GSG1L: variants seen among roughly 807,000 people sequenced by gnomAD.
The protein encoded by GSG1L is GSG1 like.
Under a neutral mutation model 42.1 loss-of-function variants are expected in GSG1L, and 24 were observed. That is an observed-to-expected ratio of 0.57 (90% CI 0.41 to 0.80). The LOEUF (loss-of-function observed/expected upper bound fraction) is 0.80, where lower values mean the gene tolerates loss of function less well. Among genes scored for constraint, GSG1L ranks in the 30% least tolerant of loss-of-function variants. GSG1L has a pLI of 0.00. For missense variants in GSG1L, 445 were observed against 472.2 expected, an observed-to-expected ratio of 0.94 and a Z score of 0.53; for synonymous variants, 215 against 203.5, an observed-to-expected ratio of 1.06 and a Z score of -0.48.
intron 2 of GSG1L, among the ~76,000 whole-genome samples, chr16:27,947,471 GAGAA>G (rs1407173731): frequency 2.1e-5 from 3 of 144,742 alleles, no homozygotes; most frequent in South Asian, 4.4e-4. Context: ...GGAGGGAGAA[GAGAA>G]AGAAAGGAAG....
At chr16:27,864,853 C>T (rs943332606) in intron 3 of GSG1L, among the ~76,000 whole-genome samples, 2 of 152,174 alleles carry the variant, frequency 1.3e-5, no homozygotes, top group African/African-American at 4.8e-5. Context: ...CAGGAAGGAG[C>T]CCAGCCCATG....
intron 2 of GSG1L, among the ~76,000 whole-genome samples, chr16:27,926,977 G>A (rs1596619183): frequency 6.6e-6 from 1 of 151,960 alleles, no homozygotes. Context: ...AGAGTTTGAC[G>A]CCAGAAGCCA....
intron 2 of GSG1L, among the ~76,000 whole-genome samples, chr16:27,890,718 G>T (rs1180703771): frequency 6.6e-6 from 1 of 152,198 alleles, no homozygotes; most frequent in Non-Finnish European, 1.5e-5. Context: ...GAGCCTACAT[G>T]AGCCGTGGAA....
chr16:27,798,164 C>T (rs1248146833), intron 6 of GSG1L, among the ~76,000 whole-genome samples: 1 of 152,116 alleles, frequency 6.6e-6, no homozygotes, highest in Non-Finnish European at 1.5e-5. Context: ...CACCTGTACC[C>T]CCTGAACCTA....
intron 2 of GSG1L, among the ~76,000 whole-genome samples, chr16:27,926,579 C>G (rs1488952565): frequency 6.6e-6 from 1 of 152,074 alleles, no homozygotes; most frequent in Non-Finnish European, 1.5e-5. Context: ...GATCCCACTA[C>G]TCTGGGGGCT....
intron 1 of GSG1L, among the ~76,000 whole-genome samples, chr16:27,984,876 G>A (rs2085363374): frequency 6.6e-6 from 1 of 152,036 alleles, no homozygotes; most frequent in Non-Finnish European, 1.5e-5. Flanking sequence ...TACTGCTTCA[G>A]CCTCTGGAGT....
intron 2 of GSG1L, among the ~76,000 whole-genome samples, chr16:27,886,007 A>G (rs1187636665): frequency 6.6e-6 from 1 of 152,140 alleles, no homozygotes; most frequent in Admixed American, 6.5e-5. Flanking sequence ...GTCTACATGG[A>G]TGCTTTGCAG....
chr16:28,001,250 C>T (rs1421729418), intron 1 of GSG1L, among the ~76,000 whole-genome samples: 1 of 152,142 alleles, frequency 6.6e-6, no homozygotes, highest in Non-Finnish European at 1.5e-5. Context: ...TGCAGAATTG[C>T]CATCATTTTT....
intron 2 of GSG1L, among the ~76,000 whole-genome samples, chr16:27,901,638 C>T (rs71389817): frequency 0.22 from 33,041 of 152,162 alleles, 4,269 homozygotes; most frequent in African/African-American, 0.33. Context: ...GGGATCTGCA[C>T]TTCGAGCAAG....
intron 2 of GSG1L, among the ~76,000 whole-genome samples, chr16:27,959,589 C>A (rs558455852): frequency 3.3e-5 from 5 of 150,314 alleles, no homozygotes; most frequent in Admixed American, 2.0e-4. Context: ...AAAGGGAGGA[C>A]GGGAGAAAGG....
Position 27,884,468 on chromosome 16 carries a change from G to C in GSG1L, c.550+18C>G. ...CTCGCCTGTGCTCTGAGAGGCCACA[G>C]GACCAGCCATGCCTTACCTGAGAGC... On this transcript the variant is annotated intron_variant, in intron 3 of 6. Transcript: ENST00000447459. The surrounding 1 kb of genome is among the most constrained non-coding windows in gnomAD (Gnocchi z 4.4). 1 of 1,609,284 alleles carries C rather than the reference G, an allele frequency of 6.2e-7. No homozygotes were observed. Among genetic ancestry groups the C allele is most frequent in the Non-Finnish European group, 8.5e-7 (1 of 1,177,200 alleles).
chr16:27,995,872 G>A (rs1252566575), intron 1 of GSG1L, among the ~76,000 whole-genome samples: 5 of 142,192 alleles, frequency 3.5e-5, no homozygotes, highest in Non-Finnish European at 7.6e-5. Context: ...GGAAGTTCCT[G>A]TACTGATTAA....
At chr16:27,794,986 G>C (rs1328170428) in intron 6 of GSG1L, among the ~76,000 whole-genome samples, 3 of 151,948 alleles carry the variant, frequency 2.0e-5, no homozygotes, top group African/African-American at 4.8e-5. Flanking sequence ...TCCTTTCCCT[G>C]TGCCCTTCAG....
intron 4 of GSG1L, among the ~76,000 whole-genome samples, chr16:27,835,033 T>C (rs568680648): frequency 6.6e-6 from 1 of 152,322 alleles, no homozygotes; most frequent in East Asian, 1.9e-4. Context: ...TATTGGTTGA[T>C]GATGTTGAGT....
chr16:28,039,022 CA>C (rs2086073977), intron 1 of GSG1L, among the ~76,000 whole-genome samples: 1 of 152,108 alleles, frequency 6.6e-6, no homozygotes, highest in African/African-American at 2.4e-5. Flanking sequence ...GATTTGACTG[CA>C]AATTGGTGTG....
chr16:28,061,732 C>T (rs1024789975), intron 1 of GSG1L, among the ~76,000 whole-genome samples: 7 of 152,134 alleles, frequency 4.6e-5, no homozygotes, highest in Admixed American at 6.5e-5. Flanking sequence ...GGGAGATAAA[C>T]GCAGTGGTGA....
chr16:28,031,372 AGATGGGATGG>A (rs972786367), intron 1 of GSG1L, among the ~76,000 whole-genome samples: 27 of 100,204 alleles, frequency 2.7e-4, no homozygotes, highest in Non-Finnish European at 3.9e-4. Flanking sequence ...GGGTGGGATG[AGATGGGATGG>A]GATGGGATGA....
intron 2 of GSG1L, among the ~76,000 whole-genome samples, chr16:27,931,004 G>A (rs1412616652): frequency 6.6e-6 from 1 of 152,032 alleles, no homozygotes. Context: ...CTTCCGCCTC[G>A]GCCTCCCAAA....
chr16:27,792,115 C>G (rs1214260275), intron 6 of GSG1L, among the ~76,000 whole-genome samples: 2 of 152,166 alleles, frequency 1.3e-5, no homozygotes, highest in Non-Finnish European at 2.9e-5. Flanking sequence ...ACCATCCTGT[C>G]ATCCTGCAGC....
Sources: gnomAD v4.1 joint callset for allele counts (sites outside exome capture counted in the v4.1 genomes callset) on GRCh38, gnomAD v4.1.1 for gene constraint, Gnocchi (gnomAD v3.1) non-coding constraint, MANE v1.5 for transcripts, NCBI Gene and HGNC (gene_info 2026-07-23, HGNC 2026-07-21) for gene names.